JAKMIP2: variants seen among roughly 807,000 people sequenced by gnomAD.
The protein encoded by JAKMIP2 is janus kinase and microtubule-interacting protein 2.
In JAKMIP2, 25 loss-of-function variants were observed where a neutral mutation model predicts 115.0. The ratio of observed to expected loss-of-function variants is 0.22; its 90% CI spans 0.16 to 0.30. JAKMIP2 has a LOEUF of 0.30. JAKMIP2 is among the 10% of genes least tolerant of loss of function. The probability of loss-of-function intolerance (pLI) is 1.00; values close to 1 mark genes in which losing one functional copy is unlikely to be tolerated. For missense variants in JAKMIP2, 642 were observed against 957.6 expected, an observed-to-expected ratio of 0.67 and a Z score of 4.35; for synonymous variants, 334 against 343.6, an observed-to-expected ratio of 0.97 and a Z score of 0.31.
At chr5:147,695,686 GAGAC>G (rs1211240096) in intron 1 of JAKMIP2, among the ~76,000 whole-genome samples, 9 of 144,512 alleles carry the variant, frequency 6.2e-5, no homozygotes, top group South Asian at 4.7e-4. Context: ...GTGAGAGAGA[GAGAC>G]AGAGACAGAG....
At chr5:147,729,612 A>G (rs1417467406) in intron 1 of JAKMIP2, among the ~76,000 whole-genome samples, 1 of 151,952 alleles carries the variant, frequency 6.6e-6, no homozygotes. Context: ...TCTCTACTAG[A>G]AATACAAAAA....
intron 1 of JAKMIP2, among the ~76,000 whole-genome samples, chr5:147,682,502 C>G (rs1019701134): frequency 6.6e-6 from 1 of 152,172 alleles, no homozygotes; most frequent in Admixed American, 6.5e-5. Context: ...AGTATATATA[C>G]AGAATGATAA....
intron 1 of JAKMIP2, among the ~76,000 whole-genome samples, chr5:147,760,995 T>A (rs927042410): frequency 4.6e-5 from 7 of 152,132 alleles, no homozygotes; most frequent in Non-Finnish European, 8.8e-5. Flanking sequence ...TATGACCTCA[T>A]ATTTGTATTA....
At chr5:147,626,261 T>A (rs1032876827) in intron 16 of JAKMIP2, among the ~76,000 whole-genome samples, 2 of 152,214 alleles carry the variant, frequency 1.3e-5, no homozygotes, top group African/African-American at 4.8e-5. Flanking sequence ...TTGTGTCTTG[T>A]TCATCTGGTT....
intron 18 of JAKMIP2, among the ~76,000 whole-genome samples, chr5:147,619,151 A>G (rs929083757): frequency 1.3e-5 from 2 of 152,104 alleles, no homozygotes; most frequent in African/African-American, 4.8e-5. Context: ...TCTAAGTTTG[A>G]CAGAAGTGAC....
intron 1 of JAKMIP2, among the ~76,000 whole-genome samples, chr5:147,701,896 A>G (rs561652717): frequency 8.5e-5 from 13 of 152,278 alleles, no homozygotes; most frequent in African/African-American, 2.9e-4. Flanking sequence ...ATTTTCTTAT[A>G]GCAGCTAGAA....
At chr5:147,777,330 G>A (rs1007579270) in intron 1 of JAKMIP2, among the ~76,000 whole-genome samples, 11 of 152,130 alleles carry the variant, frequency 7.2e-5, no homozygotes, top group African/African-American at 1.9e-4. Context: ...AGCTTGAATC[G>A]TCAAGAAAAA....
chr5:147,607,451 G>C (rs1561843877), intron 20 of JAKMIP2, among the ~76,000 whole-genome samples: 1 of 152,142 alleles, frequency 6.6e-6, no homozygotes, highest in Non-Finnish European at 1.5e-5. Flanking sequence ...TTTGTCATTG[G>C]TTCTGTTTAT....
intron 12 of JAKMIP2, among the ~76,000 whole-genome samples, chr5:147,635,683 T>G (rs1358108607): frequency 6.6e-6 from 1 of 152,202 alleles, no homozygotes; most frequent in Non-Finnish European, 1.5e-5. Flanking sequence ...TGTCTCAGCC[T>G]CCTAAGTATC....
chr5:147,675,707 T>C (rs1322239245), intron 1 of JAKMIP2, among the ~76,000 whole-genome samples: 1 of 152,026 alleles, frequency 6.6e-6, no homozygotes, highest in Non-Finnish European at 1.5e-5. Context: ...TAAGTCTATT[T>C]AGTGTTTTGT....
rs1012616041 is a variant in JAKMIP2 at position 147,633,090 on chromosome 5, T to A, written c.1678-312A>T. On this transcript the variant is annotated intron_variant, in intron 12 of 21. Coordinates refer to ENST00000616793, the MANE Select transcript of JAKMIP2 (RefSeq NM_001270941.2). ...TTGTGATGGGTCAGAGACAGTCTAC[T>A]AGAACCAAATTTAATGGTATACATA... 2.2e-4 allele frequency among the ~76,000 whole-genome samples: 34 copies of A among 152,316 alleles called. 2 individuals carry two copies. The highest frequency in any genetic ancestry group is 8.2e-4 in the African/African-American group (34 of 41,582).
At chr5:147,636,712 AT>A (rs770686578) in intron 11 of JAKMIP2, among the ~76,000 whole-genome samples, 15 of 152,268 alleles carry the variant, frequency 9.9e-5, no homozygotes, top group Admixed American at 3.3e-4. Flanking sequence ...ACTCTAGGCT[AT>A]TTGTACAGGG....
chr5:147,612,621 C>T (rs1756389958), intron 19 of JAKMIP2, among the ~76,000 whole-genome samples: 1 of 152,188 alleles, frequency 6.6e-6, no homozygotes. Context: ...TTCTACTGAG[C>T]CTATCCCTGT....
chr5:147,752,639 T>C (rs1285656080), intron 1 of JAKMIP2, among the ~76,000 whole-genome samples: 1 of 152,184 alleles, frequency 6.6e-6, no homozygotes, highest in African/African-American at 2.4e-5. Context: ...CAGGAGGCTG[T>C]GCAGTTATCC....
Position 147,702,576 on chromosome 5 carries a change from G to GA in JAKMIP2, c.-148-30623dup, listed in dbSNP as rs1561547216. ...AAGAAGAAAGAAAGAAAGAAAGAAA[G>GA]AAGGAAAGAAAGAAAGAAAGAAAGA... On this transcript the variant is annotated intron_variant, in intron 1 of 21. Transcript: ENST00000616793. Among the ~76,000 whole-genome samples, 230 of 111,800 alleles carry GA rather than the reference G, an allele frequency of 2.1e-3. 6 individuals carry two copies. The highest frequency in any genetic ancestry group is 6.2e-3 in the African/African-American group (169 of 27,212). The allele number at this position is 111,800 out of a possible 152,430, so 73.3% of individuals were successfully genotyped here.
At chr5:147,764,304 C>G (rs1054938309) in intron 1 of JAKMIP2, among the ~76,000 whole-genome samples, 1 of 151,888 alleles carries the variant, frequency 6.6e-6, no homozygotes, top group African/African-American at 2.4e-5. Flanking sequence ...ACAAGGAGAA[C>G]AATTATGCAC....
intron 1 of JAKMIP2, among the ~76,000 whole-genome samples, chr5:147,715,698 A>G (rs970810585): frequency 6.6e-6 from 1 of 151,986 alleles, no homozygotes; most frequent in African/African-American, 2.4e-5. Context: ...GGAAATAGAC[A>G]AGACCATAGT....
chr5:147,723,210 C>A (rs1753387080), intron 1 of JAKMIP2, among the ~76,000 whole-genome samples: 2 of 151,886 alleles, frequency 1.3e-5, no homozygotes, highest in South Asian at 4.2e-4. Context: ...TTATCAGATA[C>A]AAAAAAATCT....
intron 1 of JAKMIP2, among the ~76,000 whole-genome samples, chr5:147,757,918 T>C (rs560034442): frequency 6.6e-6 from 1 of 152,242 alleles, no homozygotes; most frequent in East Asian, 1.9e-4. Flanking sequence ...TTTTTGTCTC[T>C]TCGGAATGTG....
Sources: gnomAD v4.1 joint callset for allele counts (sites outside exome capture counted in the v4.1 genomes callset) on GRCh38, gnomAD v4.1.1 for gene constraint, MANE v1.5 for transcripts, NCBI Gene and HGNC (gene_info 2026-07-23, HGNC 2026-07-21) for gene names.